RTEL1: variants seen among roughly 807,000 people sequenced by gnomAD.
RTEL1 encodes the protein regulator of telomere length.
Under a neutral mutation model 162.2 loss-of-function variants are expected in RTEL1, and 86 were observed. That is an observed-to-expected ratio of 0.53 (90% CI 0.45 to 0.63). RTEL1 has a LOEUF of 0.63. RTEL1 is among the 30% of genes least tolerant of loss of function. RTEL1 has a pLI of 0.00. For missense variants in RTEL1, 1,941 were observed against 1,750.2 expected, an observed-to-expected ratio of 1.11 and a Z score of -1.95; for synonymous variants, 958 against 717.9, an observed-to-expected ratio of 1.33 and a Z score of -5.35.
intron 30 of RTEL1, 94 bp downstream of exon 30, chr20:63,693,377 C>A: frequency 1.3e-6 from 2 of 1,481,854 alleles, no homozygotes; most frequent in Non-Finnish European, 9.2e-7. Flanking sequence ...TCCTCGGGCC[C>A]TGCTTGGCCC....
intron 28 of RTEL1, 32 bp downstream of exon 28, chr20:63,691,869 C>T (rs745531770): frequency 6.4e-7 from 1 of 1,571,222 alleles, no homozygotes; most frequent in African/African-American, 1.3e-5. Flanking sequence ...CTGTGCCGAC[C>T]ACCATAGACA....
chr20:63,666,093 G>C lies in RTEL1; in HGVS notation c.614+14G>C. On this transcript the variant is annotated intron_variant, in intron 7 of 34. Transcript: ENST00000360203. ...AAGCAAGCACAGGTGAGACCCCTCA[G>C]TGAGGCCACGACCACTGTCCTTCCA... The C allele has an allele frequency of 1.2e-6, 2 of 1,610,330 alleles. No homozygotes were observed. The highest frequency in any genetic ancestry group is 1.7e-6 in the Non-Finnish European group (2 of 1,176,642).
Position 63,691,743 on chromosome 20 carries a change from C to T in RTEL1, c.2558C>T (p.Ala853Val). The T allele has an allele frequency of 6.2e-7, 1 of 1,611,888 alleles. No individual in the cohort carries two copies. The change falls in exon 28 of 35, where the codon GCC becomes GTC. Residue 853 changes from alanine (A) to valine (V), a missense_variant and splice_region_variant. Physicochemically the swap from Ala to Val is moderately conservative, Grantham distance 64. Coordinates refer to ENST00000360203, the MANE Select transcript of RTEL1 (RefSeq NM_001283009.2). ...QRAGSPGEEQAHSCSTLSLLS... is the reference protein window; with the variant it reads ...QRAGSPGEEQVHSCSTLSLLS... Reference sequence around the variant, plus strand: ...GGTTGTGAGCTGTGTCCTCCTCAGGCCCACAGCTGCTCCACCCTGTCCCTC... The same window carrying T: ...GGTTGTGAGCTGTGTCCTCCTCAGGTCCACAGCTGCTCCACCCTGTCCCTC...
At position 63,694,745 on chromosome 20, in the gene RTEL1, C is replaced by T. The variant is rs746139882; in HGVS notation, c.3114C>T (p.Asp1038=). The stretch of plus-strand genomic sequence containing the variant: ...GCCATGCTACTCCCACACCAGGAGA[C>T]CCTGGCAGCCAACCACAGTGGGGGT... ...HLSPRPPPTG[D]PGSQPQWGSG... The change falls in exon 32 of 35, where the codon GAC becomes GAT. Residue 1038 remains aspartate (D), a synonymous_variant. Coordinates refer to ENST00000360203, the MANE Select transcript of RTEL1 (RefSeq NM_001283009.2). The T allele has an allele frequency of 1.2e-6, 2 of 1,601,744 alleles. No individual in the cohort carries two copies. Among genetic ancestry groups the T allele is most frequent in the East Asian group, 2.2e-5 (1 of 44,610 alleles).
In RTEL1 at chr20:63,679,974, CG is replaced by C. The variant is rs746842288; in HGVS notation, c.1135+31del. ...GAGTGCTGGCACGGGGTCTTTGGTG[CG>C]GGCAAATGTGGCGTAGGGGGTGCAG... On this transcript the variant is annotated intron_variant, in intron 13 of 34. Coordinates refer to ENST00000360203, the MANE Select transcript of RTEL1 (RefSeq NM_001283009.2). 2.6e-6 allele frequency: 4 copies of C among 1,548,648 alleles called. No homozygotes were observed. In the East Asian group the frequency reaches 9.0e-5, roughly 35 times the overall value.
Position 63,678,177 on chromosome 20 carries a change from C to T in RTEL1, c.952C>T (p.Leu318=). Residue 318 remains leucine, a synonymous_variant, in exon 11 of 35, where the codon CTG becomes TTG. Coordinates refer to ENST00000360203, the MANE Select transcript of RTEL1 (RefSeq NM_001283009.2). ...CATGGAGCTGGAAGACATTGCAAAG[C>T]TGAAGAGTAAGTGTTGCCCTCCCCG... ...LNMELEDIAK[L]KMILLRLEGA... The T allele has an allele frequency of 1.9e-6, 3 of 1,614,004 alleles. No individual in the cohort carries two copies. Among genetic ancestry groups the T allele is most frequent in the Non-Finnish European group, 2.5e-6 (3 of 1,179,870 alleles).
In RTEL1 at chr20:63,673,962, C is replaced by T. The variant is rs746748836; in HGVS notation, c.788C>T (p.Ala263Val). 2 of 1,612,730 alleles carry T rather than the reference C, an allele frequency of 1.2e-6. No homozygotes were observed. The highest frequency in any genetic ancestry group is 2.2e-5 in the South Asian group (2 of 90,934). Residue 263 changes from alanine to valine, a missense_variant, in exon 10 of 35, where the codon GCA (alanine) becomes GTA (valine). Transcript: ENST00000360203. ...TAGGAGAAGATGTGTGAAGAATCGG[C>T]ATCCTTTGACCTGACTCCCCATGAC... The part of the protein sequence containing the change: ...HNVEKMCEES[A>V]SFDLTPHDLA...
Position 63,661,552 on chromosome 20 carries a change from T to C in RTEL1, c.301+56T>C. 1.3e-6 allele frequency: 2 copies of C among 1,547,122 alleles called. No homozygotes were observed. The highest frequency in any genetic ancestry group is 3.6e-5 in the Admixed American group (2 of 55,412). ...TCCTGTGGGGATGGTTGGCAAGGGATGGCGCTGAGGGTGGGGTGGGCCCAT... is the reference window on the plus strand; with the variant it reads ...TCCTGTGGGGATGGTTGGCAAGGGACGGCGCTGAGGGTGGGGTGGGCCCAT... On this transcript the variant is annotated intron_variant, in intron 3 of 34. Coordinates refer to ENST00000360203, the MANE Select transcript of RTEL1 (RefSeq NM_001283009.2). This position sits in a 1 kb window ranked among gnomAD's most constrained non-coding sequence, Gnocchi z 5.1.
chr20:63,674,613 C>A (rs764371247), intron 10 of RTEL1, among the ~76,000 whole-genome samples: 1 of 151,466 alleles, frequency 6.6e-6, no homozygotes. Flanking sequence ...AAGTGGGAGG[C>A]GTGCTTGAGC....
At chr20:63,677,345 A>G (rs529951262) in intron 10 of RTEL1, among the ~76,000 whole-genome samples, 2 of 152,164 alleles carry the variant, frequency 1.3e-5, no homozygotes, top group Non-Finnish European at 2.9e-5. Context: ...GGCCAGGCAT[A>G]AGGGCTCAGC....
intron 14 of RTEL1, 127 bp from the exon 15 acceptor site, chr20:63,685,396 A>G (rs1601155366): frequency 1.1e-6 from 1 of 940,062 alleles, no homozygotes; most frequent in East Asian, 2.6e-5. Context: ...CTGGGGCTGC[A>G]TGATGGCAGG....
rs1344464320 is a variant in RTEL1, at chr20:63,688,395, C to G, written c.1722+9C>G. On this transcript the variant is annotated intron_variant, in intron 20 of 34. Transcript: ENST00000360203. ...GCCTGGAGTTCTGGCGGGTGCGTCTCCCCTGTGTTCTGGGCGGGGTGGGTG... is the reference window on the plus strand; with the variant it reads ...GCCTGGAGTTCTGGCGGGTGCGTCTGCCCTGTGTTCTGGGCGGGGTGGGTG... 8 of 1,612,210 alleles carry G rather than the reference C, an allele frequency of 5.0e-6. No individual in the cohort carries two copies. Among genetic ancestry groups the G allele is most frequent in the Non-Finnish European group, 4.2e-6 (5 of 1,179,758 alleles).
intron 8 of RTEL1, among the ~76,000 whole-genome samples, chr20:63,670,852 T>C (rs1221726808): frequency 6.6e-6 from 1 of 150,466 alleles, no homozygotes; most frequent in Non-Finnish European, 1.5e-5. Context: ...AAGACTTCAG[T>C]GTGCAGGTTT....
chr20:63,692,708 TC>T lies in RTEL1; in HGVS notation c.2653-94del. On this transcript the variant is annotated intron_variant, in intron 28 of 34. Transcript: ENST00000360203. ...AGCAGCCCCACCTCGGCAGTCACTG[TC>T]CCAGGGAACGCTCAATGTTCCAAGG... 4 of 1,220,836 alleles carry T rather than the reference TC, an allele frequency of 3.3e-6. No individual in the cohort carries two copies. In the South Asian group the frequency reaches 4.0e-5, roughly 12 times the overall value. 75.6% of individuals were successfully genotyped at this position (1,220,836 alleles called of 1,614,324 possible). A position where few individuals can be genotyped will look rare whatever the true frequency, so the allele number is the denominator to read the frequency against.
rs202177215 is a variant in RTEL1, at chr20:63,693,302, G to A, written c.2992+19G>A. The A allele has an allele frequency of 3.1e-6, 5 of 1,610,890 alleles. No individual in the cohort carries two copies. Among genetic ancestry groups the A allele is most frequent in the East Asian group, 2.2e-5 (1 of 44,868 alleles). ...CCCACTGGTAAATGGGGCCCCAGGT[G>A]GGACCCTCAGACTCCTGCGTGGAAG... On this transcript the variant is annotated intron_variant, in intron 30 of 34. Coordinates refer to ENST00000360203, the MANE Select transcript of RTEL1 (RefSeq NM_001283009.2).
At position 63,674,096 on chromosome 20, in the gene RTEL1, G is replaced by C; in HGVS notation, c.919+3G>C. Reference sequence around the variant, plus strand: ...CAGCGCGGACTCCCCCAGCCCAGGTGCGTTCATAGCCAGACTGCTTGGTCC... The same window carrying C: ...CAGCGCGGACTCCCCCAGCCCAGGTCCGTTCATAGCCAGACTGCTTGGTCC... On this transcript the variant is annotated splice_donor_region_variant and intron_variant, in intron 10 of 34. Transcript: ENST00000360203. 1 of 1,607,816 alleles carries C rather than the reference G, an allele frequency of 6.2e-7. No homozygotes were observed. The highest frequency in any genetic ancestry group is 8.5e-7 in the Non-Finnish European group (1 of 1,177,454).
At chr20:63,684,458 A>G (rs2090547118) in intron 14 of RTEL1, among the ~76,000 whole-genome samples, 1 of 152,080 alleles carries the variant, frequency 6.6e-6, no homozygotes, top group Non-Finnish European at 1.5e-5. Context: ...GGTTCACGCC[A>G]TTCTCCTGCC....
At chr20:63,672,529 G>A (rs1281708012) in intron 8 of RTEL1, 27 bp from the exon 9 acceptor site, 11 of 1,547,354 alleles carry the variant, frequency 7.1e-6, no homozygotes, top group Middle Eastern at 1.7e-4. Flanking sequence ...GAGCTCCAGC[G>A]CTGCGTCCCT....
rs1187146202 is a variant in RTEL1 at position 63,695,434 on chromosome 20, C to T, written c.3606C>T (p.Pro1202=). 10 of 1,572,314 alleles carry T rather than the reference C, an allele frequency of 6.4e-6. No individual in the cohort carries two copies. Among genetic ancestry groups the T allele is most frequent in the Non-Finnish European group, 8.6e-6 (10 of 1,158,326 alleles). The stretch of plus-strand genomic sequence containing the variant: ...GGGCGGGCGGTGAGGATGCAGGTCC[C>T]AGCCAGTCCTCAGGACCTCCCCACG... ...TVGAGGEDAG[P]SQSSGPPHGP... is the part of the protein sequence containing the mutation. The change falls in exon 34 of 35, where the codon CCC becomes CCT. Residue 1202 remains proline, a synonymous_variant. Coordinates refer to ENST00000360203, the MANE Select transcript of RTEL1 (RefSeq NM_001283009.2).
Sources: allele counts gnomAD v4.1 joint callset (sites outside exome capture counted in the v4.1 genomes callset), GRCh38; gene constraint gnomAD v4.1.1; non-coding constraint Gnocchi (gnomAD v3.1); transcripts MANE v1.5; gene names NCBI Gene and HGNC (gene_info 2026-07-23, HGNC 2026-07-21).